Variants in MTA3 observed in about 807,000 individuals in gnomAD.
MTA3 encodes the protein metastasis associated 1 family member 3.
Under a neutral mutation model 83.5 loss-of-function variants are expected in MTA3, and 34 were observed. The ratio of observed to expected loss-of-function variants is 0.41; its 90% CI spans 0.31 to 0.54. MTA3 has a LOEUF of 0.54. Ranked by LOEUF, MTA3 falls within the 20% of genes least tolerant of loss-of-function variation. The pLI is 0.33. For synonymous variants in MTA3, 303 were observed against 252.7 expected (o/e 1.20, Z -1.89); for missense variants, 761 against 726.4 (o/e 1.05, Z -0.55).
chr2:42,652,265 C>G (rs971656176), intron 6 of MTA3, among the ~76,000 whole-genome samples: 6 of 152,130 alleles, frequency 3.9e-5, no homozygotes, highest in African/African-American at 1.2e-4. Context: ...GTCTCTTTTT[C>G]CTGTAAGTTA....
chr2:42,605,883 CA>C (rs1683271169), intron 3 of MTA3, among the ~76,000 whole-genome samples: 1 of 117,188 alleles, frequency 8.5e-6, no homozygotes, highest in Admixed American at 8.0e-5. Context: ...GTTGGCCGGG[CA>C]GAGGGGCTCC....
intron 3 of MTA3, among the ~76,000 whole-genome samples, chr2:42,598,977 T>C (rs1002137995): frequency 6.6e-6 from 1 of 152,180 alleles, no homozygotes; most frequent in African/African-American, 2.4e-5. Context: ...AAAATGGTCA[T>C]CTGAAGCCTT....
intron 4 of MTA3, among the ~76,000 whole-genome samples, chr2:42,632,487 C>A (rs575463842): frequency 6.6e-6 from 1 of 152,234 alleles, no homozygotes; most frequent in East Asian, 1.9e-4. Context: ...CAGAGTGATT[C>A]ATTTGCCATC....
At chr2:42,728,547 C>T (rs1031307906) in intron 16 of MTA3, among the ~76,000 whole-genome samples, 1 of 152,176 alleles carries the variant, frequency 6.6e-6, no homozygotes, top group African/African-American at 2.4e-5. Context: ...TTTACATTCC[C>T]ACCAACAGTG....
intron 2 of MTA3, among the ~76,000 whole-genome samples, chr2:42,507,159 C>T (rs954153210): frequency 7.9e-5 from 12 of 152,096 alleles, no homozygotes. Flanking sequence ...CCTCGGCTTC[C>T]AAAAGTGCTG....
intron 2 of MTA3, among the ~76,000 whole-genome samples, chr2:42,563,098 C>G (rs1677744016): frequency 6.6e-6 from 1 of 152,166 alleles, no homozygotes; most frequent in Non-Finnish European, 1.5e-5. Flanking sequence ...GACCACCACC[C>G]CTTCTCACCA....
chr2:42,631,199 G>A (rs1686637827), intron 4 of MTA3, among the ~76,000 whole-genome samples: 1 of 152,192 alleles, frequency 6.6e-6, no homozygotes, highest in African/African-American at 2.4e-5. Flanking sequence ...AATAAATGAA[G>A]TTAACATGAG....
intron 2 of MTA3, among the ~76,000 whole-genome samples, chr2:42,549,841 T>C (rs1216855058): frequency 6.7e-6 from 1 of 150,220 alleles, no homozygotes; most frequent in African/African-American, 2.5e-5. Flanking sequence ...CACTGTAAGA[T>C]GAAATCCTGT....
In MTA3 at chr2:42,646,495, T is replaced by A. The variant is rs535462395; in HGVS notation, c.499+2251T>A. On this transcript the variant is annotated intron_variant, in intron 6 of 16. Coordinates refer to ENST00000405094, the MANE Select transcript of MTA3 (RefSeq NM_001330442.2). ...AACAACTGTAATTGATAGGAGGAGG[T>A]CAAAATATTAACATTAAGAGGAGTT... is the stretch of plus-strand genomic sequence containing the variant. Among the ~76,000 whole-genome samples, 499 of 152,218 alleles carry A rather than the reference T, an allele frequency of 3.3e-3. 3 individuals carry two copies. The highest frequency in any genetic ancestry group is 0.012 in the African/African-American group (485 of 41,540).
At chr2:42,707,362 G>A (rs540243557) in intron 12 of MTA3, among the ~76,000 whole-genome samples, 2 of 151,920 alleles carry the variant, frequency 1.3e-5, no homozygotes, top group East Asian at 3.9e-4. Flanking sequence ...TACTGCCTCA[G>A]CCTACCGAGT....
chr2:42,653,023 C>T (rs2104349246), intron 6 of MTA3, among the ~76,000 whole-genome samples: 1 of 152,276 alleles, frequency 6.6e-6, no homozygotes, highest in East Asian at 1.9e-4. Flanking sequence ...TTGAACAACA[C>T]TGTGCTCAAA....
chr2:42,603,514 A>C (rs1021035161), intron 3 of MTA3, among the ~76,000 whole-genome samples: 1 of 152,210 alleles, frequency 6.6e-6, no homozygotes, highest in South Asian at 2.1e-4. Context: ...AAGCAGAAAT[A>C]GCTTAAATTT....
At chr2:42,509,362 C>T (rs574878212) in intron 2 of MTA3, among the ~76,000 whole-genome samples, 23 of 151,978 alleles carry the variant, frequency 1.5e-4, no homozygotes, top group Admixed American at 6.6e-5. Flanking sequence ...ACTTATTTAC[C>T]GTCTGTCTCC....
chr2:42,602,793 A>G (rs1259065121), intron 3 of MTA3, among the ~76,000 whole-genome samples: 2 of 152,174 alleles, frequency 1.3e-5, no homozygotes, highest in Non-Finnish European at 2.9e-5. Flanking sequence ...GCCCAAGTAC[A>G]GATACCTGGG....
intron 3 of MTA3, among the ~76,000 whole-genome samples, chr2:42,594,728 A>ATATATATATATAT: frequency 4.2e-5 from 1 of 24,042 alleles, no homozygotes; most frequent in African/African-American, 2.2e-4. Context: ...ATATATATAT[A>ATATATATATATAT]TTTTTTTTTT....
At chr2:42,635,067 C>T (rs1294380974) in intron 4 of MTA3, among the ~76,000 whole-genome samples, 1 of 152,148 alleles carries the variant, frequency 6.6e-6, no homozygotes, top group Non-Finnish European at 1.5e-5. Flanking sequence ...ATATTTCTCA[C>T]ACTTGGCCAA....
intron 3 of MTA3, among the ~76,000 whole-genome samples, chr2:42,582,585 C>T (rs931994041): frequency 1.1e-4 from 17 of 151,890 alleles, no homozygotes; most frequent in East Asian, 3.9e-4. Flanking sequence ...GGTAGGAGTT[C>T]GAGATCAGCC....
intron 7 of MTA3, 55 bp downstream of exon 7, chr2:42,656,357 T>C (rs1263282549): frequency 2.2e-5 from 24 of 1,101,368 alleles, no homozygotes; most frequent in Non-Finnish European, 3.1e-5. Context: ...TAAAAGAATT[T>C]ATAGGTATAT....
At chr2:42,553,722 C>T (rs1323602532) in intron 2 of MTA3, among the ~76,000 whole-genome samples, 4 of 148,452 alleles carry the variant, frequency 2.7e-5, no homozygotes, top group African/African-American at 7.5e-5. Context: ...GCAACAAGAG[C>T]GAAACTCCAT....
Sources: allele counts gnomAD v4.1 joint callset (sites outside exome capture counted in the v4.1 genomes callset), GRCh38; gene constraint gnomAD v4.1.1; transcripts MANE v1.5; gene names NCBI Gene and HGNC (gene_info 2026-07-23, HGNC 2026-07-21).